RNF138: variants seen among roughly 807,000 people sequenced by gnomAD.
The protein encoded by RNF138 is E3 ubiquitin-protein ligase RNF138.
Under a neutral mutation model 31.0 loss-of-function variants are expected in RNF138, and 12 were observed. That is an observed-to-expected ratio of 0.39 (90% confidence interval 0.25 to 0.63). RNF138 has a LOEUF of 0.63. Among genes scored for constraint, RNF138 ranks in the 20% least tolerant of loss-of-function variants. The probability of loss-of-function intolerance (pLI) is 0.52; values close to 1 mark genes in which losing one functional copy is unlikely to be tolerated. For synonymous variants in RNF138, 105 were observed against 99.5 expected (o/e 1.06, Z -0.33); for missense variants, 192 against 300.1 (o/e 0.64, Z 2.66).
rs2040435094 is a variant in RNF138, at chr18:32,129,277, G to A, written c.*90G>A. ...AGTCACCGTTACAGTAACTTGATGT[G>A]TATATTAATAAAAGTAATTCAGTCA... On this transcript the variant is annotated 3_prime_UTR_variant, in exon 8 of 8. Coordinates refer to ENST00000261593, the MANE Select transcript of RNF138 (RefSeq NM_016271.5). The A allele has an allele frequency of 1.3e-6, 1 of 783,950 alleles. No individual in the cohort carries two copies. The highest frequency in any genetic ancestry group is 2.5e-5 in the East Asian group (1 of 40,402). 48.6% of individuals were successfully genotyped at this position (783,950 alleles called of 1,614,324 possible).
chr18:32,128,823 T>C (rs2040425942), intron 7 of RNF138, among the ~76,000 whole-genome samples: 1 of 152,186 alleles, frequency 6.6e-6, no homozygotes, highest in African/African-American at 2.4e-5. Context: ...GTTAACCATA[T>C]TTTTTATGAA....
chr18:32,097,778 C>T (rs564862136), intron 2 of RNF138, among the ~76,000 whole-genome samples: 1 of 152,092 alleles, frequency 6.6e-6, no homozygotes, highest in Non-Finnish European at 1.5e-5. Context: ...CCGCCTTGGC[C>T]TCCGAAAGTG....
intron 2 of RNF138, among the ~76,000 whole-genome samples, chr18:32,107,079 G>T (rs935567445): frequency 5.8e-5 from 8 of 138,300 alleles, no homozygotes; most frequent in Non-Finnish European, 1.3e-4. Flanking sequence ...GCTCTTGTGT[G>T]TTAACTGTCT....
At chr18:32,122,276 T>C (rs2040318937) in intron 4 of RNF138, 1 of 152,176 alleles carries the variant, frequency 6.6e-6, no homozygotes, top group South Asian at 2.1e-4. Context: ...AATGGTGCCT[T>C]TTCACTGTGT....
chr18:32,092,691 T>C lies in RNF138; in HGVS notation c.-77-9T>C. On this transcript the variant is annotated splice_polypyrimidine_tract_variant and intron_variant, in intron 1 of 7. Transcript: ENST00000261593. ...ATGCGATCCCCCTCCCCCCTCCGGG[T>C]TCATGTAGGGAGTCGGGCCCCGGGC... 1 of 745,468 alleles carries C rather than the reference T, an allele frequency of 1.3e-6. No individual in the cohort carries two copies. The highest frequency in any genetic ancestry group is 2.3e-6 in the Non-Finnish European group (1 of 436,632). 46.2% of individuals were successfully genotyped at this position (745,468 alleles called of 1,614,324 possible).
chr18:32,131,277 G>A lies in RNF138; in HGVS notation c.*2090G>A, dbSNP rs1028775638. On this transcript the variant is annotated 3_prime_UTR_variant, in exon 8 of 8. Transcript: ENST00000261593. ...TTTGCTTTTATCTGAGAATTTCTCA[G>A]TATGAAAATGATTGTTTAAAATTTC... is the stretch of plus-strand genomic sequence containing the variant. 1 of 151,958 alleles carries A rather than the reference G, an allele frequency of 6.6e-6. No homozygotes were observed. The highest frequency in any genetic ancestry group is 1.5e-5 in the Non-Finnish European group (1 of 67,930). 9.4% of individuals were successfully genotyped at this position (151,958 alleles called of 1,614,324 possible). A position where few individuals can be genotyped will look rare whatever the true frequency, so the allele number is the denominator to read the frequency against.
intron 7 of RNF138, 90 bp downstream of exon 7, chr18:32,126,890 C>T: frequency 1.3e-6 from 1 of 748,990 alleles, no homozygotes; most frequent in Non-Finnish European, 2.3e-6. Context: ...TTGTGGCAAG[C>T]TGTTGTATCT....
intron 3 of RNF138, among the ~76,000 whole-genome samples, chr18:32,112,245 C>G (rs2040144109): frequency 6.6e-6 from 1 of 152,136 alleles, no homozygotes; most frequent in Admixed American, 6.5e-5. Context: ...CATTCTGGTA[C>G]AAATTCACCC....
chr18:32,123,535 C>T lies in RNF138; in HGVS notation c.410C>T (p.Ser137Phe), dbSNP rs1327006694. The part of the protein sequence containing the change: ...SVGNSNRSET[S>F]TSDNTETYQE... Reference sequence around the variant, plus strand: ...TTCTTAAGCAATAGGAGTGAAACATCCACATCTGATAACACAGAAACTTAC... The same window carrying T: ...TTCTTAAGCAATAGGAGTGAAACATTCACATCTGATAACACAGAAACTTAC... Residue 137 changes from serine to phenylalanine, a missense_variant, in exon 5 of 8, where the codon TCC (serine) becomes TTC (phenylalanine). By Grantham distance (155) the Ser-to-Phe change is radical. Transcript: ENST00000261593. The T allele has an allele frequency of 1.3e-6, 2 of 1,590,562 alleles. No homozygotes were observed. Among genetic ancestry groups the T allele is most frequent in the Non-Finnish European group, 1.7e-6 (2 of 1,170,674 alleles).
Position 32,131,084 on chromosome 18 carries a change from C to G in RNF138, c.*1897C>G, listed in dbSNP as rs2040469622. On this transcript the variant is annotated 3_prime_UTR_variant, in exon 8 of 8. Transcript: ENST00000261593. The stretch of plus-strand genomic sequence containing the variant: ...CTGGGATTTGCAAAGTTTAATACAT[C>G]CAATATGTCAAGTTAAACCATTCTG... The G allele has an allele frequency of 2.1e-5, 2 of 95,990 alleles. No homozygotes were observed. Among genetic ancestry groups the G allele is most frequent in the Admixed American group, 1.2e-4 (1 of 8,302 alleles). The allele number at this position is 95,990 out of a possible 1,614,324, so 5.9% of individuals were successfully genotyped here.
intron 4 of RNF138, among the ~76,000 whole-genome samples, chr18:32,116,695 G>A (rs1270307892): frequency 2.0e-5 from 3 of 151,826 alleles, no homozygotes; most frequent in African/African-American, 4.8e-5. Context: ...AGGACCATGG[G>A]CGCATGCCAC....
At chr18:32,116,738 G>A (rs568710660) in intron 4 of RNF138, among the ~76,000 whole-genome samples, 1 of 140,678 alleles carries the variant, frequency 7.1e-6, no homozygotes, top group African/African-American at 2.6e-5. Context: ...TTTTTGGGGT[G>A]GGGGGGTGGT....
chr18:32,117,207 AT>A (rs914601722), intron 4 of RNF138, among the ~76,000 whole-genome samples: 58 of 147,356 alleles, frequency 3.9e-4, no homozygotes, highest in South Asian at 4.3e-4. Context: ...CCAGCCAGAA[AT>A]TTTTTTTTTT....
At chr18:32,124,556 T>C (rs2040355624) in intron 5 of RNF138, 178 bp from the exon 6 acceptor site, 2 of 539,792 alleles carry the variant, frequency 3.7e-6, no homozygotes, top group Non-Finnish European at 6.6e-6. Context: ...TAAACTGAGA[T>C]TGGGAACCTC....
chr18:32,105,987 C>CA (rs775632816), intron 2 of RNF138, among the ~76,000 whole-genome samples: 7 of 152,284 alleles, frequency 4.6e-5, no homozygotes, highest in Non-Finnish European at 7.4e-5. Flanking sequence ...AACATTCATT[C>CA]TTCTTAGTTC....
chr18:32,127,433 A>AT (rs1182130742), intron 7 of RNF138, among the ~76,000 whole-genome samples: 1 of 152,170 alleles, frequency 6.6e-6, no homozygotes, highest in African/African-American at 2.4e-5. Context: ...TCAAAACTTT[A>AT]TTTAAGATTA....
chr18:32,128,727 G>A (rs2040424117), intron 7 of RNF138, among the ~76,000 whole-genome samples: 1 of 152,062 alleles, frequency 6.6e-6, no homozygotes, highest in South Asian at 2.1e-4. Context: ...TGCCCAGGCT[G>A]ACCTCAAACT....
At chr18:32,123,653 T>A in intron 5 of RNF138, 79 bp downstream of exon 5, 14 of 226,566 alleles carry the variant, frequency 6.2e-5, no homozygotes, top group Non-Finnish European at 1.0e-4. Context: ...TAAATTAAAC[T>A]TTTTTTTTTT....
chr18:32,092,273 G>T (rs2039703379), intron 1 of RNF138, 38 bp downstream of exon 1: 1 of 154,202 alleles, frequency 6.5e-6, no homozygotes, highest in Non-Finnish European at 1.5e-5. Context: ...AGGGGCCGGG[G>T]TGCCGGGAAG....
Sources: gnomAD v4.1 joint callset for allele counts (sites outside exome capture counted in the v4.1 genomes callset) on GRCh38, gnomAD v4.1.1 for gene constraint, MANE v1.5 for transcripts, NCBI Gene and HGNC (gene_info 2026-07-23, HGNC 2026-07-21) for gene names.